The following TNPO1 variants were observed in gnomAD, a reference collection of about 807,000 sequenced individuals.
TNPO1 encodes transportin-1.
Under a neutral mutation model 119.5 loss-of-function variants are expected in TNPO1, and 8 were observed. The ratio of observed to expected loss-of-function variants is 0.07; its 90% CI spans 0.04 to 0.12. TNPO1 has a LOEUF of 0.12. Among genes scored for constraint, TNPO1 ranks in the 10% least tolerant of loss-of-function variants. TNPO1 has a pLI of 1.00. For missense variants in TNPO1, 576 were observed against 1,089.8 expected (o/e 0.53, Z 6.64); for synonymous variants, 362 against 363.0 (o/e 1.00, Z 0.03).
intron 11 of TNPO1, 96 bp from the exon 12 acceptor site, chr5:72,886,974 C>T (rs985941673): frequency 1.9e-5 from 21 of 1,098,578 alleles, no homozygotes; most frequent in African/African-American, 5.0e-5. Flanking sequence ...TTTAAAACTC[C>T]GTATTAGAGA....
At chr5:72,879,551 G>A (rs868484787) in intron 9 of TNPO1, among the ~76,000 whole-genome samples, 7 of 152,200 alleles carry the variant, frequency 4.6e-5, no homozygotes, top group South Asian at 4.2e-4. Flanking sequence ...TGTGAGAGGC[G>A]GTCTCACTGT....
chr5:72,873,781 A>G (rs1292238556), intron 7 of TNPO1, among the ~76,000 whole-genome samples: 1 of 152,082 alleles, frequency 6.6e-6, no homozygotes, highest in Non-Finnish European at 1.5e-5. Context: ...TTTTCTTTAT[A>G]TCATCTGTAA....
intron 6 of TNPO1, among the ~76,000 whole-genome samples, chr5:72,871,050 A>C (rs1580430447): frequency 6.6e-6 from 1 of 151,830 alleles, no homozygotes; most frequent in African/African-American, 2.4e-5. Flanking sequence ...GCTCACTGCA[A>C]CCTCCGCTGC....
At chr5:72,903,322 T>G (rs1749920693) in intron 22 of TNPO1, among the ~76,000 whole-genome samples, 1 of 152,234 alleles carries the variant, frequency 6.6e-6, no homozygotes, top group Non-Finnish European at 1.5e-5. Context: ...CTTTAATTTC[T>G]TTCTAGGCCA....
Position 72,887,082 on chromosome 5 carries a change from C to G in TNPO1, c.1163C>G (p.Ala388Gly). 1 of 1,608,502 alleles carries G rather than the reference C, an allele frequency of 6.2e-7. No homozygotes were observed. Among genetic ancestry groups the G allele is most frequent in the Non-Finnish European group, 8.5e-7 (1 of 1,176,970 alleles). The change falls in exon 12 of 25, where the codon GCT becomes GGT. Residue 388 changes from alanine (A) to glycine (G), a missense_variant. Coordinates refer to ENST00000337273, the MANE Select transcript of TNPO1 (RefSeq NM_002270.4). ...ISDWNLRKCS[A>G]AALDVLANVY... ...AATATTTCCTTAGGAAAATGTTCTG[C>G]TGCTGCCCTGGATGTTCTTGCAAAT... is the stretch of plus-strand genomic sequence containing the variant.
intron 4 of TNPO1, among the ~76,000 whole-genome samples, chr5:72,861,121 G>A (rs191926997): frequency 2.0e-5 from 3 of 152,176 alleles, no homozygotes; most frequent in African/African-American, 7.2e-5. Context: ...ATGTTGGTCA[G>A]GCTGGTCTTG....
intron 1 of TNPO1, among the ~76,000 whole-genome samples, chr5:72,825,505 G>T (rs1744165590): frequency 6.6e-6 from 1 of 152,160 alleles, no homozygotes; most frequent in South Asian, 2.1e-4. Flanking sequence ...GGCTAAAACC[G>T]TGAAACCCTG....
intron 19 of TNPO1, 39 bp downstream of exon 19, chr5:72,896,595 C>T (rs372482003): frequency 6.5e-4 from 1,005 of 1,539,070 alleles, no homozygotes; most frequent in Non-Finnish European, 8.2e-4. Context: ...TAAGGCCTGG[C>T]GCGGTGGCTC....
rs1264269571 is a variant in TNPO1 at position 72,914,179 on chromosome 5, A to G, written c.*5506A>G. The stretch of plus-strand genomic sequence containing the variant: ...TTTCTTGAAGTCTAACTCTGTGCTA[A>G]CAGATCTCCATTTTAAATAGAATAC... On this transcript the variant is annotated 3_prime_UTR_variant, in exon 25 of 25. Coordinates refer to ENST00000337273, the MANE Select transcript of TNPO1 (RefSeq NM_002270.4). 6.6e-6 allele frequency: 1 copy of G among 152,600 alleles called. No homozygotes were observed. Among genetic ancestry groups the G allele is most frequent in the Non-Finnish European group, 1.5e-5 (1 of 68,004 alleles). 9.5% of individuals were successfully genotyped at this position (152,600 alleles called of 1,614,324 possible). A position where few individuals can be genotyped will look rare whatever the true frequency, so the allele number is the denominator to read the frequency against.
intron 1 of TNPO1, among the ~76,000 whole-genome samples, chr5:72,843,554 A>T (rs1283521764): frequency 3.3e-5 from 5 of 151,114 alleles, no homozygotes; most frequent in African/African-American, 1.2e-4. Flanking sequence ...AGATCGCACC[A>T]CTGCACTCCA....
chr5:72,884,075 A>C (rs892475947), intron 11 of TNPO1, among the ~76,000 whole-genome samples: 80 of 152,272 alleles, frequency 5.3e-4, no homozygotes, highest in African/African-American at 1.8e-3. Context: ...TCTCTTGGGT[A>C]AACACTCAGG....
chr5:72,881,316 G>T (rs1421756683), intron 9 of TNPO1, among the ~76,000 whole-genome samples: 2 of 152,090 alleles, frequency 1.3e-5, no homozygotes, highest in Non-Finnish European at 2.9e-5. Flanking sequence ...TCACTATGTT[G>T]GCCGGGCTGG....
At chr5:72,876,122 C>T (rs1400006196) in intron 8 of TNPO1, among the ~76,000 whole-genome samples, 3 of 152,094 alleles carry the variant, frequency 2.0e-5, no homozygotes, top group Non-Finnish European at 4.4e-5. Flanking sequence ...AAAAGTCAGG[C>T]GGGACTGATT....
At chr5:72,818,244 A>G (rs181694850) in intron 1 of TNPO1, among the ~76,000 whole-genome samples, 10 of 152,316 alleles carry the variant, frequency 6.6e-5, no homozygotes, top group African/African-American at 2.4e-4. Context: ...ATCTATAAAA[A>G]TCTTGTTTGC....
chr5:72,905,230 TG>T, intron 23 of TNPO1, 72 bp from the exon 24 acceptor site: 1 of 1,114,326 alleles, frequency 9.0e-7, no homozygotes. Flanking sequence ...TCAGCTGTGT[TG>T]GATTTCAGAA....
At chr5:72,831,870 TCAAG>T (rs1744488287) in intron 1 of TNPO1, among the ~76,000 whole-genome samples, 1 of 152,102 alleles carries the variant, frequency 6.6e-6, no homozygotes, top group African/African-American at 2.4e-5. Flanking sequence ...ACGTAACCGT[TCAAG>T]TACCGTAACT....
At chr5:72,846,844 CAG>C (rs1170477844) in intron 1 of TNPO1, among the ~76,000 whole-genome samples, 3 of 152,178 alleles carry the variant, frequency 2.0e-5, no homozygotes, top group South Asian at 2.1e-4. Context: ...ATAAAAATGA[CAG>C]TGGTACAATG....
At chr5:72,848,079 C>A in intron 1 of TNPO1, 1 of 1,099,576 alleles carries the variant, frequency 9.1e-7, no homozygotes, top group Non-Finnish European at 1.1e-6. Context: ...ACCCAGGGGG[C>A]TCCCGTGAGC....
intron 5 of TNPO1, among the ~76,000 whole-genome samples, chr5:72,864,576 TGTAA>T (rs1166141525): frequency 4.0e-5 from 6 of 151,618 alleles, no homozygotes; most frequent in Admixed American, 3.9e-4. Flanking sequence ...TACTTTTATA[TGTAA>T]GTAACTTTTT....
Sources: gnomAD v4.1 joint callset for allele counts (sites outside exome capture counted in the v4.1 genomes callset) on GRCh38, gnomAD v4.1.1 for gene constraint, MANE v1.5 for transcripts, NCBI Gene and HGNC (gene_info 2026-07-23, HGNC 2026-07-21) for gene names.